GRAMD1A: variants seen among roughly 807,000 people sequenced by gnomAD.
GRAMD1A encodes the protein protein Aster-A.
In GRAMD1A, 50 loss-of-function variants were observed where a neutral mutation model predicts 92.0. The observed-to-expected ratio is 0.54, with a 90% CI of 0.43 to 0.69. GRAMD1A has a LOEUF of 0.69. Among genes scored for constraint, GRAMD1A ranks in the 30% least tolerant of loss-of-function variants. GRAMD1A has a pLI of 0.00. For missense variants in GRAMD1A, 819 were observed against 978.9 expected, an observed-to-expected ratio of 0.84 and a Z score of 2.18; for synonymous variants, 405 against 403.6, an observed-to-expected ratio of 1.00 and a Z score of -0.04.
intron 19 of GRAMD1A, chr19:35,023,815 G>T (rs767358632): frequency 1.1e-5 from 4 of 369,744 alleles, no homozygotes; most frequent in Non-Finnish European, 1.9e-5. Context: ...CTCAATGGCA[G>T]TAAGAGTCAG....
chr19:34,996,952 T>C (rs976263104), upstream of GRAMD1A, among the ~76,000 whole-genome samples: 6 of 152,174 alleles, frequency 3.9e-5, no homozygotes, highest in African/African-American at 1.4e-4. Flanking sequence ...TTTTTCTTTT[T>C]GAGACAGCAT....
At chr19:35,014,041 C>G (rs972569626) in intron 9 of GRAMD1A, 148 bp from the exon 10 acceptor site, 3 of 752,454 alleles carry the variant, frequency 4.0e-6, no homozygotes, top group Non-Finnish European at 6.8e-6. Flanking sequence ...TGGGTGGCCC[C>G]AGGCTGCTCG....
intron 1 of GRAMD1A, among the ~76,000 whole-genome samples, chr19:35,008,261 G>A (rs573546206): frequency 5.9e-5 from 9 of 151,688 alleles, no homozygotes; most frequent in South Asian, 2.1e-4. Context: ...CCCAGGAGGC[G>A]AAGGTTACAG....
rs984480246 is a variant in GRAMD1A, at chr19:35,013,667, A to G, written c.846A>G (p.Arg282=). ...RRGHVTPNLS[R]ASSDADHGAE... ...GCCATGTCACGCCCAACCTTTCCCGAGCCAGCAGCGACGCAGACCATGGGG... is the reference window on the plus strand; with the variant it reads ...GCCATGTCACGCCCAACCTTTCCCGGGCCAGCAGCGACGCAGACCATGGGG... The change falls in exon 9 of 20, where the codon CGA becomes CGG. Residue 282 remains arginine (R), a synonymous_variant. Coordinates refer to ENST00000317991, the MANE Select transcript of GRAMD1A (RefSeq NM_020895.5). This position sits in a 1 kb window ranked among gnomAD's most constrained non-coding sequence, Gnocchi z 4.9. 2 of 1,612,190 alleles carry G rather than the reference A, an allele frequency of 1.2e-6. No homozygotes were observed. Among genetic ancestry groups the G allele is most frequent in the Non-Finnish European group, 1.7e-6 (2 of 1,179,246 alleles).
At chr19:34,996,803 C>CCA (rs1432814065), upstream of GRAMD1A, among the ~76,000 whole-genome samples, 37 of 60,438 alleles carry the variant, frequency 6.1e-4, no homozygotes, top group Non-Finnish European at 9.1e-4. Flanking sequence ...GACTCTGTCT[C>CCA]AAAAAAAAAA....
chr19:35,011,267 G>T (rs2151714616), intron 6 of GRAMD1A, among the ~76,000 whole-genome samples: 1 of 152,306 alleles, frequency 6.6e-6, no homozygotes, highest in East Asian at 1.9e-4. Context: ...AGGGCCAGGG[G>T]TCGTCTCCCC....
rs1031786416 is a variant in GRAMD1A, at chr19:35,013,137, G to A, written c.607-119G>A. ...GAGGCCAGGTCTGGTGCGGGAGATC[G>A]TGGCTGCCTCCTTGTGGAAGCCAGG... is the stretch of plus-strand genomic sequence containing the variant. On this transcript the variant is annotated intron_variant, in intron 7 of 19. Transcript: ENST00000317991. The surrounding 1 kb of genome is among the most constrained non-coding windows in gnomAD (Gnocchi z 4.9). 24 of 619,400 alleles carry A rather than the reference G, an allele frequency of 3.9e-5. No individual in the cohort carries two copies. Among genetic ancestry groups the A allele is most frequent in the South Asian group, 2.3e-4 (13 of 55,824 alleles). 38.4% of individuals were successfully genotyped at this position (619,400 alleles called of 1,614,324 possible).
At chr19:35,018,016 T>C (rs1455996535) in intron 11 of GRAMD1A, among the ~76,000 whole-genome samples, 3 of 151,948 alleles carry the variant, frequency 2.0e-5, no homozygotes, top group Non-Finnish European at 4.4e-5. Flanking sequence ...TTGAGTCAGG[T>C]TCTTGCTGTC....
Position 35,011,460 on chromosome 19 carries a change from T to A in GRAMD1A, c.526-14T>A. ...CAACCTGCTCACACCTCTCTCTCTC[T>A]CTCTCCCTGACAGCATTTCTTCACT... On this transcript the variant is annotated splice_polypyrimidine_tract_variant and intron_variant, in intron 6 of 19. Coordinates refer to ENST00000317991, the MANE Select transcript of GRAMD1A (RefSeq NM_020895.5). The A allele has an allele frequency of 6.2e-7, 1 of 1,601,202 alleles. No individual in the cohort carries two copies.
At chr19:35,019,119 G>A in intron 11 of GRAMD1A, 72 bp from the exon 12 acceptor site, 1 of 980,114 alleles carries the variant, frequency 1.0e-6, no homozygotes, top group Non-Finnish European at 1.6e-6. Flanking sequence ...CCTCCCAGAA[G>A]GCTGAGTCTC....
chr19:35,019,042 T>A, intron 11 of GRAMD1A, 149 bp from the exon 12 acceptor site: 1 of 657,218 alleles, frequency 1.5e-6, no homozygotes, highest in Admixed American at 2.4e-5. Flanking sequence ...AGCTAAGGTT[T>A]TAGGCTCCTG....
In GRAMD1A at chr19:35,000,357, C is replaced by T. The variant is rs1352532630; in HGVS notation, c.-122C>T. 8 of 1,093,508 alleles carry T rather than the reference C, an allele frequency of 7.3e-6. No individual in the cohort carries two copies. Among genetic ancestry groups the T allele is most frequent in the Non-Finnish European group, 8.9e-6 (8 of 901,206 alleles). The allele number at this position is 1,093,508 out of a possible 1,614,324, so 67.7% of individuals were successfully genotyped here. On this transcript the variant is annotated 5_prime_UTR_variant, in exon 1 of 20. Transcript: ENST00000317991. The surrounding 1 kb of genome is among the most constrained non-coding windows in gnomAD (Gnocchi z 4.9). ...GGGCGGTTGGGTCGGGTGGGGGCGG[C>T]GGCCGCGGAAGGCCAGGCCGGTGCC...
At chr19:35,000,250 G>A (rs1027915852), upstream of GRAMD1A, 28 of 1,025,270 alleles carry the variant, frequency 2.7e-5, no homozygotes, top group Middle Eastern at 4.7e-4. This position sits in a 1 kb window ranked among gnomAD's most constrained non-coding sequence, Gnocchi z 4.9. Context: ...GCTGGGGGCG[G>A]CGCCGTGACG....
chr19:34,996,528 C>T (rs531144400), upstream of GRAMD1A, among the ~76,000 whole-genome samples: 3 of 152,194 alleles, frequency 2.0e-5, no homozygotes, highest in South Asian at 4.1e-4. Flanking sequence ...GAGGGGAAGC[C>T]GGGCGTGGTG....
At chr19:35,019,129 C>G in intron 11 of GRAMD1A, 62 bp from the exon 12 acceptor site, 2 of 1,104,032 alleles carry the variant, frequency 1.8e-6, no homozygotes, top group Non-Finnish European at 1.4e-6. Context: ...GGCTGAGTCT[C>G]CTGTGGCCTG....
At position 35,021,785 on chromosome 19, in the gene GRAMD1A, C is replaced by T; in HGVS notation, c.1674C>T (p.Pro558=). The T allele has an allele frequency of 6.2e-7, 1 of 1,611,968 alleles. No individual in the cohort carries two copies. Among genetic ancestry groups the T allele is most frequent in the Non-Finnish European group, 8.5e-7 (1 of 1,179,314 alleles). The change falls in exon 15 of 20, where the codon CCC becomes CCT. Residue 558 remains proline, a synonymous_variant. Transcript: ENST00000317991. The surrounding 1 kb of genome is among the most constrained non-coding windows in gnomAD (Gnocchi z 5.3). The part of the protein sequence containing the change: ...LLSGLRRRKR[P]LSWRAHGDGP... ...CCGGCCTGCGGCGGCGGAAGCGGCC[C>T]CTGAGCTGGCGGGCTCACGGGGACG...
chr19:35,012,733 G>A (rs891837928), intron 7 of GRAMD1A, among the ~76,000 whole-genome samples: 3 of 152,232 alleles, frequency 2.0e-5, no homozygotes, highest in Non-Finnish European at 2.9e-5. Context: ...TTTGGTAGAC[G>A]AAGACGGGCG....
upstream of GRAMD1A, chr19:34,999,918 C>T (rs557422298): frequency 2.4e-6 from 2 of 844,564 alleles, no homozygotes; most frequent in African/African-American, 1.8e-5. Context: ...CAGGCCCCCT[C>T]CCCCATACAT....
chr19:35,026,009 C>G, intron 19 of GRAMD1A, 40 bp from the exon 20 acceptor site: 1 of 1,023,648 alleles, frequency 9.8e-7, no homozygotes, highest in Non-Finnish European at 1.6e-6. Context: ...CCCCCAGCCT[C>G]CAGCGTTCAC....
Sources: gnomAD v4.1 joint callset for allele counts (sites outside exome capture counted in the v4.1 genomes callset) on GRCh38, gnomAD v4.1.1 for gene constraint, Gnocchi (gnomAD v3.1) non-coding constraint, MANE v1.5 for transcripts, NCBI Gene and HGNC (gene_info 2026-07-23, HGNC 2026-07-21) for gene names.